Variants in BANP observed in about 807,000 individuals in gnomAD.
BANP encodes the protein protein BANP.
A neutral mutation model predicts 68.1 loss-of-function variants in BANP; 11 were observed. The observed-to-expected ratio is 0.16, with a 90% CI of 0.10 to 0.27. BANP has a LOEUF of 0.27. Among genes scored for constraint, BANP ranks in the 10% least tolerant of loss-of-function variants. The pLI, the probability that BANP is intolerant of heterozygous loss-of-function variation, is 1.00. For missense variants in BANP, 504 were observed against 722.7 expected, an observed-to-expected ratio of 0.70 and a Z score of 3.47; for synonymous variants, 329 against 303.2, an observed-to-expected ratio of 1.09 and a Z score of -0.88.
At chr16:88,029,435 C>G (rs1015111554) in intron 8 of BANP, among the ~76,000 whole-genome samples, 6 of 151,540 alleles carry the variant, frequency 4.0e-5, no homozygotes, top group African/African-American at 1.5e-4. Context: ...CGGTGAAACC[C>G]CGTCTCTACT....
chr16:88,073,680 C>T lies in BANP; in HGVS notation c.1521+1468C>T, dbSNP rs114103805. ...AGCCCCTGCCGAGGACGCGTGGCAG[C>T]CCCCCGTGCCGTTCCAGATAGGAGC... is the stretch of plus-strand genomic sequence containing the variant. On this transcript the variant is annotated intron_variant, in intron 13 of 13. Coordinates refer to ENST00000682872, the MANE Select transcript of BANP (RefSeq NM_001386991.1). 1.8e-3 allele frequency among the ~76,000 whole-genome samples: 267 copies of T among 152,330 alleles called. 3 individuals carry two copies. Among genetic ancestry groups the T allele is most frequent in the African/African-American group, 6.3e-3 (263 of 41,576 alleles).
At chr16:88,015,266 C>T (rs539362691) in intron 6 of BANP, among the ~76,000 whole-genome samples, 1 of 148,538 alleles carries the variant, frequency 6.7e-6, no homozygotes, top group African/African-American at 2.5e-5. Flanking sequence ...TCCCTCTGTC[C>T]ATGCCCTCTG....
Position 88,027,614 on chromosome 16 carries a change from C to T in BANP, c.1027C>T (p.Arg343Trp), listed in dbSNP as rs2077246694. Residue 343 changes from arginine to tryptophan, a missense_variant, in exon 8 of 14, where the codon CGG (arginine) becomes TGG (tryptophan). By Grantham distance (101) the Arg-to-Trp change is moderately radical. Around this residue, in one of 3 missense-constraint regions of BANP, gnomAD observed 43 missense variants for 197.7 expected, o/e 0.22. Coordinates refer to ENST00000682872, the MANE Select transcript of BANP (RefSeq NM_001386991.1). The stretch of plus-strand genomic sequence containing the variant: ...GAGCCTGGCGGTCAAGAGCTTCTCG[C>T]GGAGAACGCCCAACTCGTCCTCCTA... ...GQSLAVKSFS[R>W]RTPNSSSYCP... The T allele has an allele frequency of 2.5e-6, 4 of 1,613,808 alleles. No individual in the cohort carries two copies. The highest frequency in any genetic ancestry group is 3.4e-6 in the Non-Finnish European group (4 of 1,179,904).
intron 13 of BANP, among the ~76,000 whole-genome samples, chr16:88,073,906 T>C (rs4075598): frequency 0.22 from 34,050 of 152,260 alleles, 4,105 homozygotes; most frequent in East Asian, 0.3. Context: ...CCCAGGTGAA[T>C]GATTTAATTA....
At chr16:87,952,875 A>G (rs1298723343) in intron 1 of BANP, 1 of 152,086 alleles carries the variant, frequency 6.6e-6, no homozygotes, top group Non-Finnish European at 1.5e-5. Context: ...CCCTGGCTCA[A>G]GTGATCCTCC....
chr16:88,043,387 A>G (rs886787369), intron 11 of BANP, among the ~76,000 whole-genome samples: 1 of 152,180 alleles, frequency 6.6e-6, no homozygotes, highest in Non-Finnish European at 1.5e-5. Context: ...CTCCTTCGTC[A>G]GCTGACTACA....
At chr16:87,995,730 T>C (rs980696697) in intron 4 of BANP, among the ~76,000 whole-genome samples, 4 of 152,268 alleles carry the variant, frequency 2.6e-5, no homozygotes, top group African/African-American at 7.2e-5. Context: ...CTCTCCCTGC[T>C]GTAGAAAACA....
chr16:88,026,673 C>T (rs1299886795), intron 7 of BANP, among the ~76,000 whole-genome samples: 3 of 150,632 alleles, frequency 2.0e-5, no homozygotes. Flanking sequence ...GACAGAGTAA[C>T]AATACATAAC....
intron 11 of BANP, among the ~76,000 whole-genome samples, chr16:88,060,239 C>T (rs904124718): frequency 3.3e-5 from 5 of 152,238 alleles, no homozygotes; most frequent in Non-Finnish European, 7.3e-5. Flanking sequence ...CAGAGACCGC[C>T]GTGCGTTGCC....
chr16:87,965,048 G>A (rs1480265806), intron 1 of BANP, among the ~76,000 whole-genome samples: 1 of 152,182 alleles, frequency 6.6e-6, no homozygotes, highest in Admixed American at 6.5e-5. Context: ...TGTATCTGAA[G>A]CCACAGACTG....
Position 88,003,705 on chromosome 16 carries a change from C to G in BANP, c.363-590C>G, listed in dbSNP as rs1245410879. Reference sequence around the variant, plus strand: ...AGAATCTTTTCCTTCAAAGCAGAACCCTGAGCCCTTTGGTTGTAGCTCACA... The same window carrying G: ...AGAATCTTTTCCTTCAAAGCAGAACGCTGAGCCCTTTGGTTGTAGCTCACA... On this transcript the variant is annotated intron_variant, in intron 4 of 13. Coordinates refer to ENST00000682872, the MANE Select transcript of BANP (RefSeq NM_001386991.1). The surrounding 1 kb of genome is among the most constrained non-coding windows in gnomAD (Gnocchi z 6.1). 4 of 346,752 alleles carry G rather than the reference C, an allele frequency of 1.2e-5. No homozygotes were observed. In the East Asian group the frequency reaches 3.1e-4, roughly 27 times the overall value. 21.5% of individuals were successfully genotyped at this position (346,752 alleles called of 1,614,324 possible).
intron 1 of BANP, chr16:87,952,088 C>G (rs956867761): frequency 6.6e-6 from 1 of 152,250 alleles, no homozygotes; most frequent in South Asian, 2.1e-4. Flanking sequence ...CCCCGATGAA[C>G]GAGGACCTCG....
At chr16:87,951,707 G>A (rs1352890344) in intron 1 of BANP, among the ~76,000 whole-genome samples, 192 bp downstream of exon 1, 2 of 149,628 alleles carry the variant, frequency 1.3e-5, no homozygotes, top group African/African-American at 4.9e-5. Flanking sequence ...CCGCGCCCCG[G>A]AAGAGGGGCT....
rs2075017265 is a variant in BANP, at chr16:88,018,137, GTGAGCAGAGTGTGTGACCGTGTT to G, written c.656-290_656-268del. Among the ~76,000 whole-genome samples, 1 of 151,650 alleles carries G rather than the reference GTGAGCAGAGTGTGTGACCGTGTT, an allele frequency of 6.6e-6. No individual in the cohort carries two copies. The highest frequency in any genetic ancestry group is 6.6e-5 in the Admixed American group (1 of 15,250). ...GTATTGCTGGGGTCCCGGGTCCAGG[GTGAGCAGAGTGTGTGACCGTGTT>G]GGCGCTCAGGTCCCGAGGCCCTGCA... On this transcript the variant is annotated intron_variant, in intron 6 of 13. Coordinates refer to ENST00000682872, the MANE Select transcript of BANP (RefSeq NM_001386991.1). This position sits in a 1 kb window ranked among gnomAD's most constrained non-coding sequence, Gnocchi z 7.7.
At chr16:88,032,597 G>A (rs2078437666) in intron 8 of BANP, among the ~76,000 whole-genome samples, 4 of 152,136 alleles carry the variant, frequency 2.6e-5, no homozygotes, top group South Asian at 2.1e-4. Context: ...GTTTTTCTGC[G>A]CTCTTAATAT....
chr16:87,984,837 G>A (rs1212241850), intron 4 of BANP, among the ~76,000 whole-genome samples: 1 of 152,202 alleles, frequency 6.6e-6, no homozygotes, highest in East Asian at 1.9e-4. Context: ...AGCTCGTGCT[G>A]AAGCGCAGGC....
In BANP at chr16:88,064,287, TCCC is replaced by T. The variant is rs1422412576; in HGVS notation, c.1312-979_1312-977del. On this transcript the variant is annotated intron_variant, in intron 11 of 13. Coordinates refer to ENST00000682872, the MANE Select transcript of BANP (RefSeq NM_001386991.1). The surrounding 1 kb of genome is among the most constrained non-coding windows in gnomAD (Gnocchi z 4.5). ...GCGGGGCCTGCCTCCGTGGCAGCGC[TCCC>T]AGCACCCTGTGCGTCCCTTGCACCC... 6.6e-6 allele frequency among the ~76,000 whole-genome samples: 1 copy of T among 152,148 alleles called. No homozygotes were observed.
intron 1 of BANP, chr16:87,956,934 C>G (rs992907296): frequency 3.9e-5 from 6 of 152,330 alleles, no homozygotes; most frequent in Middle Eastern, 3.4e-3. Flanking sequence ...GAGAGAGGAG[C>G]ACCCCGGGGC....
rs2091679522 is a variant in BANP at position 88,076,671 on chromosome 16, A to G, written c.*10A>G. On this transcript the variant is annotated 3_prime_UTR_variant, in exon 14 of 14. Coordinates refer to ENST00000682872, the MANE Select transcript of BANP (RefSeq NM_001386991.1). Reference sequence around the variant, plus strand: ...CATCCAGATTCAGTGAGCGGTGCCCATGGCACCAGGAGCCCCTCGCCGGCT... The same window carrying G: ...CATCCAGATTCAGTGAGCGGTGCCCGTGGCACCAGGAGCCCCTCGCCGGCT... 1 of 1,604,304 alleles carries G rather than the reference A, an allele frequency of 6.2e-7. No homozygotes were observed. The highest frequency in any genetic ancestry group is 1.3e-5 in the African/African-American group (1 of 74,962).
Sources: gnomAD v4.1 joint callset for allele counts (sites outside exome capture counted in the v4.1 genomes callset) on GRCh38, gnomAD v4.1.1 for gene constraint, gnomAD v4.1.1 regional missense constraint, Gnocchi (gnomAD v3.1) non-coding constraint, MANE v1.5 for transcripts, NCBI Gene and HGNC (gene_info 2026-07-23, HGNC 2026-07-21) for gene names.